Variants in RIMS2 observed in about 807,000 individuals in gnomAD.
The protein encoded by RIMS2 is regulating synaptic membrane exocytosis protein 2.
In RIMS2, 59 loss-of-function variants were observed where a neutral mutation model predicts 174.4. The ratio of observed to expected loss-of-function variants is 0.34; its 90% CI spans 0.27 to 0.42. The LOEUF (loss-of-function observed/expected upper bound fraction) is 0.42, where lower values mean the gene tolerates loss of function less well. Ranked by LOEUF, RIMS2 falls within the 10% of genes least tolerant of loss-of-function variation. The pLI, the probability that RIMS2 is intolerant of heterozygous loss-of-function variation, is 1.00. For synonymous variants in RIMS2, 606 were observed against 572.5 expected (o/e 1.06, Z -0.84); for missense variants, 1,620 against 1,666.3 (o/e 0.97, Z 0.48).
chr8:103,679,157 A>G (rs1188551116), intron 1 of RIMS2, among the ~76,000 whole-genome samples: 2 of 152,046 alleles, frequency 1.3e-5, no homozygotes, highest in South Asian at 2.1e-4. Context: ...AAGCCAGAAC[A>G]CTATATATCC....
At chr8:103,815,404 G>A (rs887662790) in intron 3 of RIMS2, among the ~76,000 whole-genome samples, 5 of 151,988 alleles carry the variant, frequency 3.3e-5, no homozygotes, top group African/African-American at 9.7e-5. Context: ...TTTCTGTCAC[G>A]AAATTGCCTT....
intron 1 of RIMS2, among the ~76,000 whole-genome samples, chr8:103,561,534 CGA>C (rs2091594643): frequency 6.6e-6 from 1 of 152,112 alleles, no homozygotes; most frequent in Non-Finnish European, 1.5e-5. Flanking sequence ...TCTTACCCAT[CGA>C]AAGACATTTC....
intron 4 of RIMS2, among the ~76,000 whole-genome samples, chr8:103,909,012 T>C (rs1360891814): frequency 6.6e-6 from 1 of 152,190 alleles, no homozygotes; most frequent in Non-Finnish European, 1.5e-5. Flanking sequence ...AGTTCTTTTA[T>C]AGCACCATGT....
chr8:104,001,159 A>G (rs2095369490), intron 17 of RIMS2, among the ~76,000 whole-genome samples: 1 of 151,836 alleles, frequency 6.6e-6, no homozygotes, highest in South Asian at 2.1e-4. Flanking sequence ...AATAAAATCT[A>G]GTGTTCAATA....
intron 14 of RIMS2, among the ~76,000 whole-genome samples, chr8:103,946,012 A>T (rs981016668): frequency 6.6e-6 from 1 of 152,160 alleles, no homozygotes; most frequent in African/African-American, 2.4e-5. Flanking sequence ...CATAAAAGGC[A>T]TTCAGAATGG....
In RIMS2 at chr8:104,241,201, T is replaced by G. The variant is rs147588529; in HGVS notation, c.3335-3715T>G. 7.4e-3 allele frequency among the ~76,000 whole-genome samples: 1,133 copies of G among 152,296 alleles called. 7 individuals are homozygous for G. The highest frequency in any genetic ancestry group is 0.012 in the Non-Finnish European group (849 of 68,030). On this transcript the variant is annotated intron_variant, in intron 19 of 23. Transcript: ENST00000504942. ...ACAGCTGCACAAGCTCCCCATTTAGTTATATTCTGACAGTGAAGTACTGAA... is the reference window on the plus strand; with the variant it reads ...ACAGCTGCACAAGCTCCCCATTTAGGTATATTCTGACAGTGAAGTACTGAA...
At chr8:103,723,231 A>G (rs997094182) in intron 2 of RIMS2, among the ~76,000 whole-genome samples, 1 of 152,214 alleles carries the variant, frequency 6.6e-6, no homozygotes, top group African/African-American at 2.4e-5. Flanking sequence ...CTGTACCATC[A>G]GTGCTTTATT....
chr8:103,718,406 G>A (rs1463258222), intron 2 of RIMS2, among the ~76,000 whole-genome samples: 1 of 152,164 alleles, frequency 6.6e-6, no homozygotes, highest in South Asian at 2.1e-4. Flanking sequence ...TGTATTGGGT[G>A]TATTGGGAAC....
Position 103,895,457 on chromosome 8 carries a change from A to T in RIMS2, c.1624+9234A>T, listed in dbSNP as rs140733975. Reference sequence around the variant, plus strand: ...TATCCTTACATGATGTGGGAGAGATAATCTCTCTTGTGTTTCTTCTTATAA... The same window carrying T: ...TATCCTTACATGATGTGGGAGAGATTATCTCTCTTGTGTTTCTTCTTATAA... On this transcript the variant is annotated intron_variant, in intron 4 of 23. Transcript: ENST00000504942. 9.9e-5 allele frequency among the ~76,000 whole-genome samples: 15 copies of T among 151,558 alleles called. No homozygotes were observed. In the East Asian group the frequency reaches 2.9e-3, roughly 29 times the overall value.
chr8:103,885,851 G>T, exon 4 of RIMS2: 1 of 1,612,864 alleles, frequency 6.2e-7, no homozygotes, highest in South Asian at 1.1e-5. Flanking sequence ...AACTCGAGAG[G>T]CTCAGGGACC....
intron 19 of RIMS2, among the ~76,000 whole-genome samples, chr8:104,186,339 C>T (rs576683222): frequency 1.1e-4 from 17 of 151,826 alleles, no homozygotes; most frequent in Middle Eastern, 6.8e-3. Flanking sequence ...ACAACCTATG[C>T]ATGTAGCAAA....
intron 19 of RIMS2, among the ~76,000 whole-genome samples, chr8:104,122,159 GA>G (rs2098383970): frequency 6.6e-6 from 1 of 152,042 alleles, no homozygotes; most frequent in African/African-American, 2.4e-5. Context: ...TCACTTCCCA[GA>G]AAGGAGAATG....
At chr8:104,192,042 C>T (rs140203337) in intron 19 of RIMS2, among the ~76,000 whole-genome samples, 1 of 151,976 alleles carries the variant, frequency 6.6e-6, no homozygotes, top group African/African-American at 2.4e-5. Flanking sequence ...ATGTATGAGC[C>T]AAAAAATGTA....
intron 1 of RIMS2, among the ~76,000 whole-genome samples, chr8:103,693,380 C>T (rs10090039): frequency 1.3e-5 from 2 of 152,090 alleles, no homozygotes; most frequent in Admixed American, 6.5e-5. Context: ...TCCTTATGAC[C>T]GTGCTTTTTT....
chr8:103,849,641 A>G (rs1448386630), intron 3 of RIMS2, among the ~76,000 whole-genome samples: 2 of 152,000 alleles, frequency 1.3e-5, no homozygotes, highest in South Asian at 2.1e-4. Flanking sequence ...TAGCAGTGCT[A>G]CTTTCCAGTG....
intron 19 of RIMS2, among the ~76,000 whole-genome samples, chr8:104,115,765 G>A (rs112388641): frequency 3.3e-5 from 5 of 152,158 alleles, no homozygotes; most frequent in Non-Finnish European, 7.4e-5. Flanking sequence ...GTTGGGAATG[G>A]TGGTGAGCTG....
In RIMS2 at chr8:103,667,424, C is replaced by T. The variant is rs78087082; in HGVS notation, c.177-29662C>T. On this transcript the variant is annotated intron_variant, in intron 1 of 23. Coordinates refer to ENST00000504942, the Ensembl canonical transcript of RIMS2. ...CCAAACTGTGTAAAAAGAGACCGCC[C>T]ATCTGGAATAATGAAGGCCTTCTGG... is the stretch of plus-strand genomic sequence containing the variant. Among the ~76,000 whole-genome samples the T allele has an allele frequency of 3.3e-3, 505 of 152,264 alleles. 5 individuals carry two copies. The highest frequency in any genetic ancestry group is 5.3e-3 in the Non-Finnish European group (359 of 68,022).
At chr8:103,529,433 G>A (rs926630850) in intron 1 of RIMS2, among the ~76,000 whole-genome samples, 11 of 152,202 alleles carry the variant, frequency 7.2e-5, no homozygotes, top group African/African-American at 1.2e-4. Flanking sequence ...AGCCATGCGC[G>A]GGATATAATC....
chr8:103,550,566 A>G (rs1180015845), intron 1 of RIMS2, among the ~76,000 whole-genome samples: 1 of 152,148 alleles, frequency 6.6e-6, no homozygotes, highest in African/African-American at 2.4e-5. Flanking sequence ...AAGACCAAAC[A>G]CATTCAAAAG....
Sources: gnomAD v4.1 joint callset for allele counts (sites outside exome capture counted in the v4.1 genomes callset) on GRCh38, gnomAD v4.1.1 for gene constraint, MANE v1.5 for transcripts, NCBI Gene and HGNC (gene_info 2026-07-23, HGNC 2026-07-21) for gene names.